The following CCR1 variants were observed in gnomAD, a reference collection of about 807,000 sequenced individuals.
CCR1 encodes C-C motif chemokine receptor 1.
In CCR1, 1 loss-of-function variant was observed where a neutral mutation model predicts 0.3. The ratio of observed to expected loss-of-function variants is 3.70; its 90% CI spans 1.31 to 17.54. The LOEUF (loss-of-function observed/expected upper bound fraction) is 17.54, where lower values mean the gene tolerates loss of function less well. Among genes scored for constraint, CCR1 ranks in the 30% most tolerant of loss-of-function variants. CCR1 has a pLI of 0.11. For missense variants in CCR1, 349 were observed against 435.4 expected (o/e 0.80, Z 1.77); for synonymous variants, 207 against 182.5 (o/e 1.13, Z -1.08).
At position 46,204,239 on chromosome 3, in the gene CCR1, C is replaced by A. The variant is rs1699626853; in HGVS notation, c.75G>T (p.Gln25His). Reference sequence around the variant, plus strand: ...CCCCAAAGGCCCTCTCGTTCACCTTCTGGCACGGAGTTGCATCCCCATAGT... The same window carrying A: ...CCCCAAAGGCCCTCTCGTTCACCTTATGGCACGGAGTTGCATCCCCATAGT... ...EFDYGDATPC[Q>H]KVNERAFGAQ... Residue 25 changes from glutamine (Q) to histidine (H), a missense_variant, in exon 2 of 2, where the codon CAG becomes CAT. Gln to His is a conservative substitution (Grantham distance 24). Coordinates refer to ENST00000296140, the MANE Select transcript of CCR1 (RefSeq NM_001295.3). The A allele has an allele frequency of 6.2e-7, 1 of 1,613,828 alleles. No homozygotes were observed. The highest frequency in any genetic ancestry group is 1.3e-5 in the African/African-American group (1 of 74,890).
chr3:46,206,925 C>T (rs1028293481), intron 1 of CCR1, among the ~76,000 whole-genome samples: 2 of 152,192 alleles, frequency 1.3e-5, no homozygotes, highest in African/African-American at 2.4e-5. Context: ...TTGGTGAAGT[C>T]TCTGAGCAGA....
chr3:46,202,984 C>T lies in CCR1; in HGVS notation c.*262G>A, dbSNP rs1699610903. 2.3e-6 allele frequency: 1 copy of T among 428,752 alleles called. No individual in the cohort carries two copies. Among genetic ancestry groups the T allele is most frequent in the Non-Finnish European group, 4.2e-6 (1 of 238,612 alleles). 26.6% of individuals were successfully genotyped at this position (428,752 alleles called of 1,614,324 possible). ...ATCTTGCTTGAGTCCAAGCCCTTCT[C>T]TGGTACACTTAGTCCCAGTCTCTGG... On this transcript the variant is annotated 3_prime_UTR_variant, in exon 2 of 2. Transcript: ENST00000296140.
rs973878193 is a variant in CCR1 at position 46,203,031 on chromosome 3, A to G, written c.*215T>C. 7.6e-6 allele frequency: 4 copies of G among 524,104 alleles called. No individual in the cohort carries two copies. The highest frequency in any genetic ancestry group is 5.7e-5 in the African/African-American group (3 of 52,640). The allele number at this position is 524,104 out of a possible 1,614,324, so 32.5% of individuals were successfully genotyped here. A position where few individuals can be genotyped will look rare whatever the true frequency, so the allele number is the denominator to read the frequency against. ...CTGGAATATTTGGTTTTGCTCATTC[A>G]TCTTCTTTCTACCAGGGGAGAAGTT... On this transcript the variant is annotated 3_prime_UTR_variant, in exon 2 of 2. Transcript: ENST00000296140. The surrounding 1 kb of genome is among the most constrained non-coding windows in gnomAD (Gnocchi z 4.5).
At chr3:46,204,926 C>A (rs1212205836) in intron 1 of CCR1, among the ~76,000 whole-genome samples, 2 of 152,194 alleles carry the variant, frequency 1.3e-5, no homozygotes, top group African/African-American at 4.8e-5. Flanking sequence ...CACAGGAGGA[C>A]TCTGAGAAGG....
At chr3:46,205,719 G>C (rs767790629) in intron 1 of CCR1, among the ~76,000 whole-genome samples, 1 of 152,148 alleles carries the variant, frequency 6.6e-6, no homozygotes, top group East Asian at 1.9e-4. Context: ...CAAGGCTACT[G>C]TGAGGTAATG....
At position 46,203,610 on chromosome 3, in the gene CCR1, G is replaced by C; in HGVS notation, c.704C>G (p.Ser235Cys). 6.2e-7 allele frequency: 1 copy of C among 1,614,116 alleles called. No homozygotes were observed. The highest frequency in any genetic ancestry group is 8.5e-7 in the Non-Finnish European group (1 of 1,179,976). The part of the protein sequence containing the change: ...ILLRRPNEKK[S>C]KAVRLIFVIM... ...GACAAAAATCAAACGGACAGCTTTG[G>C]ATTTCTTCTCATTTGGTCGTCTTAG... The change falls in exon 2 of 2, where the codon TCC becomes TGC. Residue 235 changes from serine (S) to cysteine (C), a missense_variant. Coordinates refer to ENST00000296140, the MANE Select transcript of CCR1 (RefSeq NM_001295.3). The surrounding 1 kb of genome is among the most constrained non-coding windows in gnomAD (Gnocchi z 4.5).
In CCR1 at chr3:46,202,094, G is replaced by A. The variant is rs1261503614; in HGVS notation, c.*1152C>T. 6.6e-6 allele frequency: 1 copy of A among 152,186 alleles called. No individual in the cohort carries two copies. Among genetic ancestry groups the A allele is most frequent in the African/African-American group, 2.4e-5 (1 of 41,438 alleles). 9.4% of individuals were successfully genotyped at this position (152,186 alleles called of 1,614,324 possible). On this transcript the variant is annotated 3_prime_UTR_variant, in exon 2 of 2. Coordinates refer to ENST00000296140, the MANE Select transcript of CCR1 (RefSeq NM_001295.3). ...ATTTTGGATAAATAAGCTACTTTGA[G>A]TTAAGGGCCTTCTCGGCCTCCTACA...
chr3:46,206,630 A>T (rs1179038977), intron 1 of CCR1, among the ~76,000 whole-genome samples: 1 of 152,216 alleles, frequency 6.6e-6, no homozygotes, highest in Non-Finnish European at 1.5e-5. Context: ...CAACATTGTC[A>T]GGTGGCATTT....
rs201318090 is a variant in CCR1, at chr3:46,208,311, T to G, written c.-41A>C. 2.0e-5 allele frequency: 3 copies of G among 152,206 alleles called. No individual in the cohort carries two copies. The highest frequency in any genetic ancestry group is 4.4e-5 in the Non-Finnish European group (3 of 68,046). The allele number at this position is 152,206 out of a possible 1,614,324, so 9.4% of individuals were successfully genotyped here. ...GTTCCAAGGGACTTTGTCCGTGAAG[T>G]CTTTGTTTCTGGGGCTTTCTGGGTT... is the stretch of plus-strand genomic sequence containing the variant. On this transcript the variant is annotated 5_prime_UTR_variant, in exon 1 of 2. Coordinates refer to ENST00000296140, the MANE Select transcript of CCR1 (RefSeq NM_001295.3).
chr3:46,202,636 T>G lies in CCR1; in HGVS notation c.*610A>C, dbSNP rs201669317. On this transcript the variant is annotated 3_prime_UTR_variant, in exon 2 of 2. Coordinates refer to ENST00000296140, the MANE Select transcript of CCR1 (RefSeq NM_001295.3). ...TAGGTCTCAACTCTTCCGTCATGAG[T>G]TCTATGTTCCCCAGGATTCCAAGAG... The G allele has an allele frequency of 1.3e-5, 2 of 152,056 alleles. No individual in the cohort carries two copies. Among genetic ancestry groups the G allele is most frequent in the Non-Finnish European group, 2.9e-5 (2 of 68,008 alleles). The allele number at this position is 152,056 out of a possible 1,614,324, so 9.4% of individuals were successfully genotyped here. A position where few individuals can be genotyped will look rare whatever the true frequency, so the allele number is the denominator to read the frequency against.
intron 1 of CCR1, among the ~76,000 whole-genome samples, chr3:46,205,937 G>GTA (rs925892121): frequency 3.3e-5 from 5 of 152,082 alleles, no homozygotes; most frequent in African/African-American, 1.2e-4. Flanking sequence ...TGGCTGGCTG[G>GTA]TATACCCTGT....
In CCR1 at chr3:46,202,046, G is replaced by A. The variant is rs1344784359; in HGVS notation, c.*1200C>T. ...AGGCATGATAAATAAGGGGTCCTTGGTTGGAGATGATGCATCCAGAACATT... is the reference window on the plus strand; with the variant it reads ...AGGCATGATAAATAAGGGGTCCTTGATTGGAGATGATGCATCCAGAACATT... On this transcript the variant is annotated 3_prime_UTR_variant, in exon 2 of 2. Transcript: ENST00000296140. 1.3e-5 allele frequency: 2 copies of A among 152,150 alleles called. No homozygotes were observed. Among genetic ancestry groups the A allele is most frequent in the East Asian group, 1.9e-4 (1 of 5,204 alleles). The allele number at this position is 152,150 out of a possible 1,614,324, so 9.4% of individuals were successfully genotyped here. A position where few individuals can be genotyped will look rare whatever the true frequency, so the allele number is the denominator to read the frequency against.
At chr3:46,205,545 GC>G (rs1406392880) in intron 1 of CCR1, among the ~76,000 whole-genome samples, 1 of 152,148 alleles carries the variant, frequency 6.6e-6, no homozygotes, top group Non-Finnish European at 1.5e-5. Context: ...CCCAGTCCCT[GC>G]TTTTTTGGCA....
intron 1 of CCR1, among the ~76,000 whole-genome samples, chr3:46,204,869 C>T (rs1234104849): frequency 4.6e-5 from 7 of 152,218 alleles, no homozygotes; most frequent in East Asian, 1.9e-4. Flanking sequence ...GACACCACTA[C>T]GCTTTCCTGC....
chr3:46,204,384 C>A, intron 1 of CCR1, 60 bp from the exon 2 acceptor site: 1 of 1,102,170 alleles, frequency 9.1e-7, no homozygotes, highest in Non-Finnish European at 1.3e-6. Context: ...GCAGTGGGCA[C>A]TGGACAGTAA....
rs1414828496 is a variant in CCR1 at position 46,207,003 on chromosome 3, A to G, written c.-12+1279T>C. ...TGCGCTGGCTGGCTTATACTGGTTT[A>G]TAAATGCCAATTGCGTGCATCTCTT... is the stretch of plus-strand genomic sequence containing the variant. On this transcript the variant is annotated intron_variant, in intron 1 of 1. Coordinates refer to ENST00000296140, the MANE Select transcript of CCR1 (RefSeq NM_001295.3). Among the ~76,000 whole-genome samples the G allele has an allele frequency of 1.3e-5, 2 of 152,246 alleles. 1 individual carries two copies. Among genetic ancestry groups the G allele is most frequent in the Non-Finnish European group, 2.9e-5 (2 of 68,038 alleles).
At chr3:46,207,342 C>A (rs970631558) in intron 1 of CCR1, among the ~76,000 whole-genome samples, 15 of 152,030 alleles carry the variant, frequency 9.9e-5, no homozygotes, top group Non-Finnish European at 1.9e-4. Context: ...GATACCTATA[C>A]GGAGCCACCA....
intron 1 of CCR1, among the ~76,000 whole-genome samples, chr3:46,204,729 T>G (rs1363142712): frequency 6.6e-6 from 1 of 152,154 alleles, no homozygotes; most frequent in East Asian, 1.9e-4. Flanking sequence ...GGGGTCCCAT[T>G]GTTGTTCTTA....
At position 46,203,511 on chromosome 3, in the gene CCR1, AG is replaced by A; in HGVS notation, c.802del (p.Leu268CysfsTer18). 1 of 1,614,246 alleles carries A rather than the reference AG, an allele frequency of 6.2e-7. No individual in the cohort carries two copies. Among genetic ancestry groups the A allele is most frequent in the Non-Finnish European group, 8.5e-7 (1 of 1,180,030 alleles). ...GCTCTGCTCACACTCATGGGTGAACAGGAAGTCTTGGAAAACAGAAATAAGT... is the reference window on the plus strand; with the variant it reads ...GCTCTGCTCACACTCATGGGTGAACAGAAGTCTTGGAAAACAGAAATAAGT... ...TILISVFQDF[L>X]FTHECEQSRH... On this transcript the variant is annotated frameshift_variant, in exon 2 of 2. Coordinates refer to ENST00000296140, the MANE Select transcript of CCR1 (RefSeq NM_001295.3). LOFTEE classifies it low-confidence loss of function (END_TRUNC). The surrounding 1 kb of genome is among the most constrained non-coding windows in gnomAD (Gnocchi z 4.5).
Sources: allele counts gnomAD v4.1 joint callset (sites outside exome capture counted in the v4.1 genomes callset), GRCh38; gene constraint gnomAD v4.1.1; non-coding constraint Gnocchi (gnomAD v3.1); transcripts MANE v1.5; gene names NCBI Gene and HGNC (gene_info 2026-07-23, HGNC 2026-07-21).